The following SKAP1 variants were observed in gnomAD, a reference collection of about 807,000 sequenced individuals.
SKAP1 encodes src kinase associated phosphoprotein 1.
Under a neutral mutation model 58.5 loss-of-function variants are expected in SKAP1, and 44 were observed. The ratio of observed to expected loss-of-function variants is 0.75; its 90% CI spans 0.59 to 0.97. The LOEUF is 0.97. Ranked by LOEUF, SKAP1 falls within the 50% of genes least tolerant of loss-of-function variation. The probability of loss-of-function intolerance (pLI) is 0.00; values close to 1 mark genes in which losing one functional copy is unlikely to be tolerated. For missense variants in SKAP1, 390 were observed against 435.2 expected (o/e 0.90, Z 0.92); for synonymous variants, 127 against 149.7 (o/e 0.85, Z 1.11).
At chr17:48,216,987 G>A (rs142172908) in intron 4 of SKAP1, among the ~76,000 whole-genome samples, 150 of 152,238 alleles carry the variant, frequency 9.9e-4, no homozygotes, top group African/African-American at 3.3e-3. Flanking sequence ...GAGTGAAAAG[G>A]GGGAATATAA....
intron 11 of SKAP1, among the ~76,000 whole-genome samples, chr17:48,159,577 G>A (rs1386717000): frequency 1.6e-4 from 25 of 152,138 alleles, no homozygotes; most frequent in Admixed American, 1.6e-3. Context: ...AGAGTGTAAC[G>A]GACCCCAGCA....
At chr17:48,257,629 T>TTTTTTCTTTCTTTC (rs1491381252) in intron 4 of SKAP1, among the ~76,000 whole-genome samples, 1 of 25,900 alleles carries the variant, frequency 3.9e-5, no homozygotes, top group African/African-American at 1.7e-4. Context: ...TCTTTCTTTC[T>TTTTTTCTTTCTTTC]TTTTTTTTTT....
chr17:48,388,012 T>C (rs1344669194), intron 2 of SKAP1, among the ~76,000 whole-genome samples: 6 of 152,204 alleles, frequency 3.9e-5, no homozygotes, highest in African/African-American at 1.4e-4. Context: ...AATAAGATTA[T>C]TCCTAGAAAA....
At chr17:48,213,337 C>G (rs1354144465) in intron 4 of SKAP1, among the ~76,000 whole-genome samples, 1 of 80,560 alleles carries the variant, frequency 1.2e-5, no homozygotes, top group African/African-American at 4.8e-5. Flanking sequence ...GCAACAAGAG[C>G]AAAACTCTGT....
At chr17:48,362,198 G>A (rs2066946478) in intron 3 of SKAP1, among the ~76,000 whole-genome samples, 1 of 152,190 alleles carries the variant, frequency 6.6e-6, no homozygotes, top group African/African-American at 2.4e-5. Context: ...GAAAGGATGG[G>A]TAGAAGCTGC....
chr17:48,239,662 T>C (rs1221531862), intron 4 of SKAP1, among the ~76,000 whole-genome samples: 3 of 152,182 alleles, frequency 2.0e-5, no homozygotes, highest in Non-Finnish European at 4.4e-5. Flanking sequence ...CATTGGTCCA[T>C]ACAAATAATC....
intron 1 of SKAP1, among the ~76,000 whole-genome samples, chr17:48,399,187 G>C (rs1444017921): frequency 1.3e-5 from 2 of 152,114 alleles, no homozygotes; most frequent in Non-Finnish European, 1.5e-5. Context: ...TGATTTAATG[G>C]GTTCCACTAG....
chr17:48,281,704 A>T (rs939965065), intron 4 of SKAP1, among the ~76,000 whole-genome samples: 1 of 152,162 alleles, frequency 6.6e-6, no homozygotes, highest in Admixed American at 6.5e-5. Flanking sequence ...TCTCTTACCC[A>T]TAAGTGTTGA....
At chr17:48,175,407 C>T (rs537646679) in intron 9 of SKAP1, among the ~76,000 whole-genome samples, 1 of 152,148 alleles carries the variant, frequency 6.6e-6, no homozygotes, top group Non-Finnish European at 1.5e-5. Context: ...ACTGCTCCCC[C>T]GCATGCACAG....
intron 4 of SKAP1, among the ~76,000 whole-genome samples, chr17:48,250,540 C>T (rs12603827): frequency 0.44 from 67,082 of 151,572 alleles, 15,065 homozygotes; most frequent in South Asian, 0.61. Flanking sequence ...CTCAGCTTCC[C>T]AAAGTGCTGG....
At chr17:48,441,636 T>C in the SKAP1 span, among the ~76,000 whole-genome samples, 23 of 152,158 alleles carry the variant, frequency 1.5e-4, no homozygotes, top group African/African-American at 5.1e-4. Context: ...GGCCATACTC[T>C]TTCTCTAAGG....
At chr17:48,266,308 T>G (rs1057249204) in intron 4 of SKAP1, among the ~76,000 whole-genome samples, 6 of 152,126 alleles carry the variant, frequency 3.9e-5, no homozygotes, top group African/African-American at 1.4e-4. Flanking sequence ...AGCATTTGTG[T>G]CAGAAAGGAG....
chr17:48,163,515 G>A (rs2143295814), intron 10 of SKAP1, among the ~76,000 whole-genome samples: 1 of 152,310 alleles, frequency 6.6e-6, no homozygotes, highest in East Asian at 1.9e-4. Flanking sequence ...ACTAGACCAG[G>A]CATGCTCCTT....
intron 2 of SKAP1, among the ~76,000 whole-genome samples, chr17:48,373,033 T>G (rs147585223): frequency 9.3e-4 from 142 of 152,296 alleles, no homozygotes; most frequent in African/African-American, 3.3e-3. Flanking sequence ...ACATAGCTAC[T>G]AAGTGGCAGA....
At chr17:48,190,356 T>C (rs12601973) in intron 4 of SKAP1, among the ~76,000 whole-genome samples, 126,292 of 151,960 alleles carry the variant, frequency 0.83, 52,539 homozygotes, top group East Asian at 0.95. Context: ...TCGTGATCCG[T>C]CCACGTTGGC....
chr17:48,263,715 C>T (rs1040586857), intron 4 of SKAP1, among the ~76,000 whole-genome samples: 2 of 152,148 alleles, frequency 1.3e-5, no homozygotes, highest in African/African-American at 4.8e-5. Context: ...TCAGAGGATA[C>T]AGAAGCAACA....
At chr17:48,209,305 ACCT>A (rs2064844433) in intron 4 of SKAP1, among the ~76,000 whole-genome samples, 1 of 152,178 alleles carries the variant, frequency 6.6e-6, no homozygotes, top group South Asian at 2.1e-4. Flanking sequence ...GCACTGTCAA[ACCT>A]CCTATTTAAC....
chr17:48,316,252 C>T (rs1598558301), intron 4 of SKAP1, among the ~76,000 whole-genome samples: 1 of 152,154 alleles, frequency 6.6e-6, no homozygotes, highest in Non-Finnish European at 1.5e-5. Context: ...AATCTCATTT[C>T]CTAACACTCT....
chr17:48,339,438 T>G, intron 4 of SKAP1, among the ~76,000 whole-genome samples: 1 of 152,194 alleles, frequency 6.6e-6, no homozygotes, highest in Admixed American at 6.5e-5. Flanking sequence ...ATAGCTTACA[T>G]AGTTTTAAAA....
Sources: allele counts gnomAD v4.1 joint callset (sites outside exome capture counted in the v4.1 genomes callset), GRCh38; gene constraint gnomAD v4.1.1; transcripts MANE v1.5; gene names NCBI Gene and HGNC (gene_info 2026-07-23, HGNC 2026-07-21).